The following CALN1 variants were observed in gnomAD, a reference collection of about 807,000 sequenced individuals.
CALN1 encodes the protein calcium-binding protein 8.
CALN1 carries 17 observed loss-of-function variants against 30.6 expected under a neutral mutation model. The ratio of observed to expected loss-of-function variants is 0.56; its 90% confidence interval spans 0.38 to 0.83. CALN1 has a LOEUF of 0.83. CALN1 is among the 40% of genes least tolerant of loss of function. The pLI is 0.00. For missense variants in CALN1, 291 were observed against 354.9 expected, an observed-to-expected ratio of 0.82 and a Z score of 1.45; for synonymous variants, 156 against 131.4, an observed-to-expected ratio of 1.19 and a Z score of -1.28.
chr7:71,917,272 T>C (rs1318957074), intron 5 of CALN1, among the ~76,000 whole-genome samples: 2 of 152,010 alleles, frequency 1.3e-5, no homozygotes, highest in Non-Finnish European at 2.9e-5. Flanking sequence ...CAAAGGGTGG[T>C]AGAAATGGGG....
intron 3 of CALN1, among the ~76,000 whole-genome samples, chr7:72,181,096 A>AACCC (rs1789755682): frequency 2.7e-5 from 2 of 74,616 alleles, no homozygotes; most frequent in Non-Finnish European, 2.6e-5. Context: ...AAACTGCATA[A>AACCC]CCCCCCCCCC....
intron 3 of CALN1, among the ~76,000 whole-genome samples, chr7:72,270,610 A>G (rs1021931535): frequency 6.6e-6 from 1 of 151,932 alleles, no homozygotes; most frequent in Non-Finnish European, 1.5e-5. Context: ...CATCTCTAAA[A>G]AAAATTTTTT....
chr7:71,802,292 G>T (rs532102856), intron 6 of CALN1, among the ~76,000 whole-genome samples: 1 of 152,112 alleles, frequency 6.6e-6, no homozygotes, highest in African/African-American at 2.4e-5. Flanking sequence ...ATATACATTC[G>T]TCTCAGTGTC....
At chr7:72,068,967 T>C (rs138932650) in intron 4 of CALN1, among the ~76,000 whole-genome samples, 1 of 152,254 alleles carries the variant, frequency 6.6e-6, no homozygotes, top group African/African-American at 2.4e-5. Flanking sequence ...CTGGAGGAAA[T>C]AGGTACACTG....
intron 2 of CALN1, among the ~76,000 whole-genome samples, chr7:72,398,389 T>C (rs1806116464): frequency 6.6e-6 from 1 of 152,244 alleles, no homozygotes; most frequent in South Asian, 2.1e-4. Flanking sequence ...CATTCTAAAT[T>C]CCTTGCTTTG....
chr7:72,498,672 T>C, the CALN1 span, among the ~76,000 whole-genome samples: 17 of 152,150 alleles, frequency 1.1e-4, no homozygotes, highest in Non-Finnish European at 2.5e-4. Flanking sequence ...CCACGAGAAG[T>C]GCTAAAAGAA....
At chr7:72,453,570 C>T in the CALN1 span, among the ~76,000 whole-genome samples, 1 of 152,194 alleles carries the variant, frequency 6.6e-6, no homozygotes, top group South Asian at 2.1e-4. Flanking sequence ...CAGTCAAGTC[C>T]CACCTACTAT....
intron 4 of CALN1, among the ~76,000 whole-genome samples, chr7:72,037,877 T>C (rs1053193824): frequency 1.2e-4 from 18 of 152,238 alleles, no homozygotes; most frequent in Non-Finnish European, 1.9e-4. Context: ...CTAGCGTTCC[T>C]TGTAGAGGCA....
intron 3 of CALN1, among the ~76,000 whole-genome samples, chr7:72,219,182 C>G (rs1237858354): frequency 6.6e-6 from 1 of 152,172 alleles, no homozygotes; most frequent in African/African-American, 2.4e-5. Flanking sequence ...AAAAATTCTT[C>G]CCTAGTGACA....
chr7:72,290,269 T>C (rs1386027914), intron 2 of CALN1, among the ~76,000 whole-genome samples: 3 of 151,844 alleles, frequency 2.0e-5, no homozygotes, highest in African/African-American at 7.2e-5. Flanking sequence ...AAAGAAGACA[T>C]GAAAACATGA....
intron 5 of CALN1, among the ~76,000 whole-genome samples, chr7:71,987,546 T>C (rs1267049046): frequency 2.0e-5 from 3 of 152,168 alleles, no homozygotes; most frequent in African/African-American, 4.8e-5. Context: ...TGCGAGGACA[T>C]GTGTTGGGAC....
intron 5 of CALN1, among the ~76,000 whole-genome samples, chr7:71,879,191 A>G (rs1251850043): frequency 6.6e-6 from 1 of 152,178 alleles, no homozygotes; most frequent in East Asian, 1.9e-4. Flanking sequence ...GTTACATAAG[A>G]CCATAAAATA....
chr7:71,971,201 C>A (rs992895800), intron 5 of CALN1, among the ~76,000 whole-genome samples: 20 of 152,194 alleles, frequency 1.3e-4, no homozygotes, highest in Non-Finnish European at 2.6e-4. Flanking sequence ...GTAATCCCAG[C>A]GCTTTGGGAG....
chr7:72,431,298 ATAT>A (rs1807968873), intron 1 of CALN1, among the ~76,000 whole-genome samples: 1 of 152,116 alleles, frequency 6.6e-6, no homozygotes, highest in South Asian at 2.1e-4. Context: ...TTCAGGTAAA[ATAT>A]TATGAGGAAC....
chr7:72,163,428 T>C (rs1323143575), intron 3 of CALN1, among the ~76,000 whole-genome samples: 2 of 138,110 alleles, frequency 1.4e-5, no homozygotes, highest in Admixed American at 1.4e-4. Flanking sequence ...ACATGTCACA[T>C]AGTGGAAAAC....
chr7:72,392,256 G>A (rs978356769), intron 2 of CALN1, among the ~76,000 whole-genome samples: 10 of 152,192 alleles, frequency 6.6e-5, no homozygotes, highest in African/African-American at 2.4e-4. Context: ...CTCCAACAGA[G>A]GTACCAGACA....
chr7:72,077,861 A>G (rs999547554), intron 4 of CALN1, among the ~76,000 whole-genome samples: 12 of 152,112 alleles, frequency 7.9e-5, no homozygotes, highest in African/African-American at 2.7e-4. Flanking sequence ...CTTCCTTTCT[A>G]TGCCAGGTAC....
intron 5 of CALN1, among the ~76,000 whole-genome samples, chr7:72,016,996 T>TAAAAAAAAAAAAA (rs1800418372): frequency 3.8e-5 from 1 of 26,564 alleles, no homozygotes; most frequent in Non-Finnish European, 6.5e-5. Context: ...TTACTAAAAA[T>TAAAAAAAAAAAAA]ACAAAAAAAA....
chr7:71,955,453 C>T (rs1441352129), intron 5 of CALN1, among the ~76,000 whole-genome samples: 1 of 151,964 alleles, frequency 6.6e-6, no homozygotes, highest in African/African-American at 2.4e-5. Flanking sequence ...TCTCAAAATG[C>T]TCTTTGAGGT....
Sources: gnomAD v4.1 joint callset for allele counts (sites outside exome capture counted in the v4.1 genomes callset) on GRCh38, gnomAD v4.1.1 for gene constraint, MANE v1.5 for transcripts, NCBI Gene and HGNC (gene_info 2026-07-23, HGNC 2026-07-21) for gene names.